SPAG17: variants seen among roughly 807,000 people sequenced by gnomAD.
The protein encoded by SPAG17 is sperm-associated antigen 17.
SPAG17 carries 169 observed loss-of-function variants against 273.6 expected under a neutral mutation model. That is an observed-to-expected ratio of 0.62 (90% confidence interval 0.55 to 0.70). The LOEUF (loss-of-function observed/expected upper bound fraction) is 0.70, where lower values mean the gene tolerates loss of function less well. Ranked by LOEUF, SPAG17 falls within the 30% of genes least tolerant of loss-of-function variation. SPAG17 has a pLI of 0.00. For missense variants in SPAG17, 2,557 were observed against 2,627.8 expected (o/e 0.97, Z 0.59); for synonymous variants, 825 against 873.2 (o/e 0.94, Z 0.97).
At chr1:118,071,679 G>T (rs1193936220) in intron 17 of SPAG17, among the ~76,000 whole-genome samples, 2 of 151,296 alleles carry the variant, frequency 1.3e-5, no homozygotes, top group Non-Finnish European at 2.9e-5. Flanking sequence ...TCTTTAAAAA[G>T]GTAATTTGAA....
At chr1:117,958,808 AT>A (rs2101317515) in intron 48 of SPAG17, 1 of 640,648 alleles carries the variant, frequency 1.6e-6, no homozygotes, top group African/African-American at 2.0e-5. Context: ...TATAATGTAT[AT>A]TTTGTTGTTG....
At chr1:118,119,601 T>A (rs1363437715) in intron 3 of SPAG17, among the ~76,000 whole-genome samples, 1 of 151,862 alleles carries the variant, frequency 6.6e-6, no homozygotes, top group Non-Finnish European at 1.5e-5. Flanking sequence ...TTTGGGGAGG[T>A]GAATAACTTA....
intron 1 of SPAG17, among the ~76,000 whole-genome samples, chr1:118,180,274 C>T (rs570919636): frequency 2.0e-5 from 3 of 152,024 alleles, no homozygotes; most frequent in African/African-American, 4.8e-5. Context: ...TTCAGCCATA[C>T]AATATGAAAT....
chr1:118,126,262 G>T (rs1377793528), intron 3 of SPAG17, among the ~76,000 whole-genome samples: 1 of 139,922 alleles, frequency 7.1e-6, no homozygotes, highest in South Asian at 2.3e-4. Flanking sequence ...CTGGAGTGCA[G>T]TGGCGCGATC....
At chr1:117,973,617 G>A in intron 43 of SPAG17, 56 bp from the exon 44 acceptor site, 3 of 1,557,896 alleles carry the variant, frequency 1.9e-6, no homozygotes, top group Non-Finnish European at 8.7e-7. Flanking sequence ...AAACACATTT[G>A]AAGTAATATC....
intron 40 of SPAG17, 108 bp downstream of exon 40, chr1:117,987,726 G>T: frequency 1.8e-6 from 2 of 1,084,100 alleles, no homozygotes; most frequent in East Asian, 2.4e-5. Context: ...TTGCAGAAGA[G>T]AATCAAATAA....
At chr1:118,049,350 A>G (rs1169557409) in intron 20 of SPAG17, among the ~76,000 whole-genome samples, 10 of 152,232 alleles carry the variant, frequency 6.6e-5, no homozygotes, top group Non-Finnish European at 1.5e-4. Context: ...TGAATTCAAC[A>G]GCACATTTGA....
chr1:118,106,362 G>T lies in SPAG17; in HGVS notation c.448-4436C>A, dbSNP rs1656397978. ...TTACGGAGGAGAAAACTGAGTCTTA[G>T]TGAGGGCAAGTAGTTGTTCAAACTC... On this transcript the variant is annotated intron_variant, in intron 4 of 48. Transcript: ENST00000336338. 2.0e-5 allele frequency among the ~76,000 whole-genome samples: 3 copies of T among 152,266 alleles called. No individual in the cohort carries two copies. The South Asian group carries it at 6.2e-4, about 32-fold the overall frequency.
chr1:118,069,295 A>G (rs1653318196), intron 17 of SPAG17, among the ~76,000 whole-genome samples: 1 of 143,364 alleles, frequency 7.0e-6, no homozygotes, highest in Non-Finnish European at 1.5e-5. Flanking sequence ...CAGTGAGCCG[A>G]GAGCATGCCA....
At chr1:118,184,425 G>A (rs571253721) in intron 1 of SPAG17, among the ~76,000 whole-genome samples, 1 of 152,268 alleles carries the variant, frequency 6.6e-6, no homozygotes, top group African/African-American at 2.4e-5. Flanking sequence ...GCACTTTGAA[G>A]TCCTGTGGTA....
chr1:118,025,600 T>G (rs754162583), intron 26 of SPAG17, among the ~76,000 whole-genome samples, 184 bp from the exon 27 acceptor site: 5 of 152,130 alleles, frequency 3.3e-5, no homozygotes, highest in Non-Finnish European at 7.4e-5. Context: ...CTCAAACTCC[T>G]GGATTCAAGC....
In SPAG17 at chr1:118,085,936, T is replaced by A; in HGVS notation, c.1748A>T (p.His583Leu). The change falls in exon 13 of 49, where the codon CAC becomes CTC. Residue 583 changes from histidine (H) to leucine (L), a missense_variant. Transcript: ENST00000336338. ...AATGGACTCACCACTCGTACAAAAG[T>A]GCATAAGCTCATGAATTGTAGCTAG... The part of the protein sequence containing the change: ...KRLATIHELM[H>L]FCTSDVLSWN... 6.2e-7 allele frequency: 1 copy of A among 1,607,724 alleles called. No homozygotes were observed. The highest frequency in any genetic ancestry group is 8.5e-7 in the Non-Finnish European group (1 of 1,177,868).
At chr1:118,148,216 T>A (rs952442580) in intron 3 of SPAG17, among the ~76,000 whole-genome samples, 1 of 152,210 alleles carries the variant, frequency 6.6e-6, no homozygotes, top group South Asian at 2.1e-4. Context: ...AGTGTCCTAG[T>A]GTGTCTGGAG....
intron 3 of SPAG17, among the ~76,000 whole-genome samples, chr1:118,128,309 A>G (rs754903457): frequency 2.6e-5 from 4 of 152,108 alleles, no homozygotes; most frequent in African/African-American, 4.8e-5. Context: ...TGAAGTCTTT[A>G]GGTTTTTCTA....
At position 118,065,604 on chromosome 1, in the gene SPAG17, A is replaced by G. The variant is rs1352812709; in HGVS notation, c.2540+1141T>C. On this transcript the variant is annotated intron_variant, in intron 18 of 48. Coordinates refer to ENST00000336338, the MANE Select transcript of SPAG17 (RefSeq NM_206996.4). ...ATGTGGCAATTATAAAGAAGATAAC[A>G]TAATGGACAAATCTGGCTTACTACA... is the stretch of plus-strand genomic sequence containing the variant. Among the ~76,000 whole-genome samples, 158 of 152,276 alleles carry G rather than the reference A, an allele frequency of 1.0e-3. 2 individuals carry two copies. The highest frequency in any genetic ancestry group is 1.2e-4 in the Non-Finnish European group (8 of 67,986).
chr1:118,017,309 A>G (rs1234366903), intron 28 of SPAG17, among the ~76,000 whole-genome samples: 1 of 151,524 alleles, frequency 6.6e-6, no homozygotes, highest in East Asian at 1.9e-4. Context: ...TGTTCTTGTT[A>G]CTTTTTCTAA....
At chr1:118,075,337 A>G (rs1368643293) in intron 15 of SPAG17, among the ~76,000 whole-genome samples, 1 of 152,216 alleles carries the variant, frequency 6.6e-6, no homozygotes, top group Non-Finnish European at 1.5e-5. Context: ...TGGGATGGTG[A>G]TATCATCCTT....
intron 3 of SPAG17, among the ~76,000 whole-genome samples, chr1:118,147,439 C>A (rs765060303): frequency 3.0e-4 from 45 of 152,266 alleles, no homozygotes; most frequent in Non-Finnish European, 5.3e-4. Flanking sequence ...GATGATAAAG[C>A]AGTAGCCAAC....
chr1:118,148,384 A>G (rs1316429708), intron 3 of SPAG17, among the ~76,000 whole-genome samples: 1 of 152,188 alleles, frequency 6.6e-6, no homozygotes, highest in Non-Finnish European at 1.5e-5. Context: ...ACACTCGGCA[A>G]GGGTACACGA....
Sources: gnomAD v4.1 joint callset for allele counts (sites outside exome capture counted in the v4.1 genomes callset) on GRCh38, gnomAD v4.1.1 for gene constraint, MANE v1.5 for transcripts, NCBI Gene and HGNC (gene_info 2026-07-23, HGNC 2026-07-21) for gene names.